Variants in TM2D1 observed in about 807,000 individuals in gnomAD.
The protein encoded by TM2D1 is TM2 domain-containing protein 1.
A neutral mutation model predicts 28.4 loss-of-function variants in TM2D1; 15 were observed. The observed-to-expected ratio is 0.53, with a 90% CI of 0.35 to 0.81. The LOEUF (loss-of-function observed/expected upper bound fraction) is 0.81, where lower values mean the gene tolerates loss of function less well. Among genes scored for constraint, TM2D1 ranks in the 40% least tolerant of loss-of-function variants. The pLI is 0.01. For synonymous variants in TM2D1, 93 were observed against 96.2 expected, an observed-to-expected ratio of 0.97 and a Z score of 0.20; for missense variants, 236 against 254.9, an observed-to-expected ratio of 0.93 and a Z score of 0.50.
intron 2 of TM2D1, among the ~76,000 whole-genome samples, chr1:61,717,354 C>G (rs1459009941): frequency 6.7e-6 from 1 of 149,720 alleles, no homozygotes; most frequent in Admixed American, 6.7e-5. Context: ...GGAAACAGAG[C>G]AAGACTCCGC....
At chr1:61,701,882 G>A (rs894672827) in intron 3 of TM2D1, among the ~76,000 whole-genome samples, 10 of 152,090 alleles carry the variant, frequency 6.6e-5, no homozygotes, top group Non-Finnish European at 1.2e-4. Context: ...GGGAATGAGG[G>A]AAAAGGAGAA....
intron 2 of TM2D1, among the ~76,000 whole-genome samples, chr1:61,723,459 G>C (rs1409801931): frequency 6.6e-6 from 1 of 152,146 alleles, no homozygotes; most frequent in East Asian, 1.9e-4. Flanking sequence ...AACTGAATCT[G>C]GGAACATCCA....
At chr1:61,713,007 T>G (rs1011077298) in intron 2 of TM2D1, among the ~76,000 whole-genome samples, 6 of 150,294 alleles carry the variant, frequency 4.0e-5, no homozygotes, top group Admixed American at 2.7e-4. Flanking sequence ...CTGTCTCTAC[T>G]AAAAAGACAA....
At chr1:61,706,862 G>GAAAGAAAGAAAGAAAGAAAGA (rs934661396) in intron 3 of TM2D1, among the ~76,000 whole-genome samples, 1 of 143,144 alleles carries the variant, frequency 7.0e-6, no homozygotes, top group East Asian at 1.9e-4. Context: ...AAGAAAGAAA[G>GAAAGAAAGAAAGAAAGAAAGA]AAATAGTAAA....
At chr1:61,715,494 A>G (rs1644509780) in intron 2 of TM2D1, among the ~76,000 whole-genome samples, 1 of 151,656 alleles carries the variant, frequency 6.6e-6, no homozygotes, top group African/African-American at 2.4e-5. Flanking sequence ...CTAAAAATAC[A>G]CAAATTAGCC....
intron 2 of TM2D1, among the ~76,000 whole-genome samples, chr1:61,717,316 C>T (rs1314566545): frequency 2.0e-5 from 3 of 151,086 alleles, no homozygotes; most frequent in Admixed American, 2.0e-4. Flanking sequence ...TGCAGTGAGC[C>T]GAGATAGTGC....
intron 3 of TM2D1, among the ~76,000 whole-genome samples, chr1:61,706,783 C>G (rs1570115013): frequency 6.9e-6 from 1 of 144,608 alleles, no homozygotes; most frequent in East Asian, 2.1e-4. Flanking sequence ...GAGCCAAGAT[C>G]ACACCATTGC....
At chr1:61,703,791 T>C in intron 3 of TM2D1, among the ~76,000 whole-genome samples, 1 of 133,262 alleles carries the variant, frequency 7.5e-6, no homozygotes, top group Non-Finnish European at 1.6e-5. Flanking sequence ...AGTTTCGCTC[T>C]TGTCACCCAG....
chr1:61,708,320 G>A (rs540847450), intron 3 of TM2D1, among the ~76,000 whole-genome samples: 10 of 152,272 alleles, frequency 6.6e-5, no homozygotes, highest in East Asian at 1.9e-4. Flanking sequence ...AAAGTGCTGG[G>A]ATTACAAGTG....
rs201828555 is a variant in TM2D1 at position 61,725,098 on chromosome 1, C to A, written c.23G>T (p.Gly8Val). 5 of 1,613,540 alleles carry A rather than the reference C, an allele frequency of 3.1e-6. No homozygotes were observed. The highest frequency in any genetic ancestry group is 4.2e-6 in the Non-Finnish European group (5 of 1,179,892). MAAAWPSGPSAPEAVTAR... is the reference protein window; with the variant it reads MAAAWPSVPSAPEAVTAR... ...CGTCACGGCCTCCGGAGCAGACGGACCAGACGGCCAGGCGGCCGCCATCTT... is the reference window on the plus strand; with the variant it reads ...CGTCACGGCCTCCGGAGCAGACGGAACAGACGGCCAGGCGGCCGCCATCTT... Residue 8 changes from glycine to valine, a missense_variant, in exon 1 of 7, where the codon GGT becomes GTT. Coordinates refer to ENST00000606498, the MANE Select transcript of TM2D1 (RefSeq NM_032027.3).
chr1:61,721,368 C>T (rs1445132719), intron 2 of TM2D1, among the ~76,000 whole-genome samples: 1 of 151,870 alleles, frequency 6.6e-6, no homozygotes, highest in Non-Finnish European at 1.5e-5. Context: ...ACGGCGAAAC[C>T]CTGCCTCTAC....
chr1:61,682,368 C>T (rs552281982), intron 6 of TM2D1, among the ~76,000 whole-genome samples: 1 of 152,246 alleles, frequency 6.6e-6, no homozygotes, highest in South Asian at 2.1e-4. Flanking sequence ...CTACCCTTCA[C>T]CCTACATGAT....
At chr1:61,710,473 T>TACACAC (rs770499881) in intron 2 of TM2D1, among the ~76,000 whole-genome samples, 13 of 88,326 alleles carry the variant, frequency 1.5e-4, no homozygotes, top group African/African-American at 6.8e-4. Context: ...CATATATATA[T>TACACAC]ATACACACAC....
intron 5 of TM2D1, among the ~76,000 whole-genome samples, chr1:61,688,214 G>T (rs930390356): frequency 2.0e-5 from 3 of 152,228 alleles, no homozygotes; most frequent in African/African-American, 7.2e-5. Flanking sequence ...ACCAGTTTAA[G>T]ATATTCTTTG....
At chr1:61,717,928 C>T (rs561019369) in intron 2 of TM2D1, among the ~76,000 whole-genome samples, 1 of 152,120 alleles carries the variant, frequency 6.6e-6, no homozygotes, top group South Asian at 2.1e-4. Context: ...GCAGGAGGAT[C>T]GCTTGAGTCC....
At chr1:61,722,212 G>A (rs1436221833) in intron 2 of TM2D1, among the ~76,000 whole-genome samples, 1 of 152,062 alleles carries the variant, frequency 6.6e-6, no homozygotes, top group Non-Finnish European at 1.5e-5. Context: ...CTTGATCCTG[G>A]GAGGTGGAGG....
intron 5 of TM2D1, among the ~76,000 whole-genome samples, chr1:61,689,348 A>G (rs754838416): frequency 8.1e-4 from 123 of 151,304 alleles, no homozygotes; most frequent in Admixed American, 2.2e-3. Context: ...TACAGCCCCC[A>G]AGGAAATATT....
chr1:61,691,932 A>AAAAAAAAAAATATATATATATATATAT, intron 5 of TM2D1, among the ~76,000 whole-genome samples: 1 of 76,404 alleles, frequency 1.3e-5, no homozygotes, highest in South Asian at 4.4e-4. Flanking sequence ...AAAAAAAAAA[A>AAAAAAAAAAATATATATATATATATAT]ATATATATAT....
chr1:61,696,865 C>A (rs974662317), intron 4 of TM2D1, among the ~76,000 whole-genome samples: 21 of 152,066 alleles, frequency 1.4e-4, no homozygotes, highest in Admixed American at 1.1e-3. Flanking sequence ...ATAAAGTGAT[C>A]TTCCTGCCTT....
Sources: gnomAD v4.1 joint callset for allele counts (sites outside exome capture counted in the v4.1 genomes callset) on GRCh38, gnomAD v4.1.1 for gene constraint, MANE v1.5 for transcripts, NCBI Gene and HGNC (gene_info 2026-07-23, HGNC 2026-07-21) for gene names.